TRPM3: variants seen among roughly 807,000 people sequenced by gnomAD.
The protein encoded by TRPM3 is long transient receptor potential channel 3.
TRPM3 carries 77 observed loss-of-function variants against 181.2 expected under a neutral mutation model. The observed-to-expected ratio is 0.42, with a 90% CI of 0.35 to 0.51. TRPM3 has a LOEUF of 0.51. Ranked by LOEUF, TRPM3 falls within the 20% of genes least tolerant of loss-of-function variation. TRPM3 has a pLI of 0.01. For synonymous variants in TRPM3, 745 were observed against 796.4 expected (o/e 0.94, Z 1.09); for missense variants, 1,759 against 2,196.7 (o/e 0.80, Z 3.98).
intron 2 of TRPM3, 26 bp from the exon 3 acceptor site, chr9:70,863,138 C>T (rs751660476): frequency 2.0e-5 from 32 of 1,599,936 alleles, no homozygotes; most frequent in Non-Finnish European, 2.7e-5. Context: ...TTAAAGTGAA[C>T]CCCTGGTATT....
At chr9:70,925,987 C>G (rs1292707615) in intron 1 of TRPM3, among the ~76,000 whole-genome samples, 1 of 69,134 alleles carries the variant, frequency 1.4e-5, no homozygotes, top group African/African-American at 6.0e-5. Context: ...AAAAGGTTGG[C>G]TTGGGAAAAC....
intron 1 of TRPM3, among the ~76,000 whole-genome samples, chr9:71,208,325 T>C (rs2079254242): frequency 6.6e-6 from 1 of 152,210 alleles, no homozygotes; most frequent in Admixed American, 6.5e-5. Context: ...TTTTAAATTC[T>C]ATTTTGAACA....
At chr9:70,632,783 T>C (rs531540744) in intron 12 of TRPM3, among the ~76,000 whole-genome samples, 1 of 152,204 alleles carries the variant, frequency 6.6e-6, no homozygotes, top group Middle Eastern at 3.2e-3. Flanking sequence ...CTGTTCTTTC[T>C]TGTTAGTCTA....
chr9:70,930,614 A>G (rs1295750405), intron 1 of TRPM3, among the ~76,000 whole-genome samples: 66 of 152,312 alleles, frequency 4.3e-4, no homozygotes, highest in African/African-American at 1.5e-3. Flanking sequence ...GGTCTTATTA[A>G]TGATACATTA....
At chr9:70,745,712 G>C (rs2075036295) in intron 8 of TRPM3, among the ~76,000 whole-genome samples, 1 of 152,108 alleles carries the variant, frequency 6.6e-6, no homozygotes, top group South Asian at 2.1e-4. Context: ...TAGGCCAATT[G>C]AGCTTGTTTT....
chr9:71,307,045 A>C (rs996310467), intron 1 of TRPM3, among the ~76,000 whole-genome samples: 2 of 152,138 alleles, frequency 1.3e-5, no homozygotes, highest in African/African-American at 4.8e-5. Context: ...TGCTCCTCTG[A>C]ACATTTTATG....
rs770482901 is a variant in TRPM3, at chr9:70,625,213, T to C, written c.1787A>G (p.His596Arg). 1.2e-6 allele frequency: 2 copies of C among 1,614,026 alleles called. No homozygotes were observed. Among genetic ancestry groups the C allele is most frequent in the Non-Finnish European group, 1.7e-6 (2 of 1,179,982 alleles). ...YTRKRFRTLY[H>R]NLFGPKRPKA... Reference sequence around the variant, plus strand: ...CACCCTCTTGGGGCCGAAGAGGTTGTGGTAGAGGGTCCGGAAGCGCTTGCG... The same window carrying C: ...CACCCTCTTGGGGCCGAAGAGGTTGCGGTAGAGGGTCCGGAAGCGCTTGCG... Residue 596 changes from histidine to arginine, a missense_variant, in exon 14 of 26, where the codon CAC (histidine) becomes CGC (arginine). His to Arg is a conservative substitution (Grantham distance 29). Transcript: ENST00000677713. This position sits in a 1 kb window ranked among gnomAD's most constrained non-coding sequence, Gnocchi z 4.8.
chr9:71,150,338 C>T (rs1742216030), intron 1 of TRPM3, among the ~76,000 whole-genome samples: 2 of 151,998 alleles, frequency 1.3e-5, no homozygotes, highest in African/African-American at 4.8e-5. Context: ...TTATTGGTTA[C>T]TAGAAAAATG....
chr9:70,696,600 G>A lies in TRPM3; in HGVS notation c.1273-15022C>T, dbSNP rs147788944. 1.8e-3 allele frequency among the ~76,000 whole-genome samples: 278 copies of A among 152,312 alleles called. 2 individuals are homozygous for A. Among genetic ancestry groups the A allele is most frequent in the African/African-American group, 6.3e-3 (261 of 41,562 alleles). On this transcript the variant is annotated intron_variant, in intron 8 of 25. Coordinates refer to ENST00000677713, the MANE Select transcript of TRPM3 (RefSeq NM_001366145.2). ...AGGGTAAAGAAAGAAAAGTTTCTGG[G>A]TTGCTCTGTGGATGTGTGCGCAAAC...
At chr9:71,339,720 G>C (rs1014030413) in intron 1 of TRPM3, among the ~76,000 whole-genome samples, 3 of 152,072 alleles carry the variant, frequency 2.0e-5, no homozygotes. Context: ...ACAGATCTGT[G>C]ATTTCTGGAG....
Position 70,618,972 on chromosome 9 carries a change from G to T in TRPM3, c.2253C>A (p.Ala751=). The change falls in exon 17 of 26, where the codon GCC becomes GCA. Residue 751 remains alanine, a synonymous_variant. Coordinates refer to ENST00000677713, the MANE Select transcript of TRPM3 (RefSeq NM_001366145.2). Reference sequence around the variant, plus strand: ...TGAAGTCGCGGTGTTTGGCAGCCACGGCAAGCTGCAGGCACGTGGCGTTGC... The same window carrying T: ...TGAAGTCGCGGTGTTTGGCAGCCACTGCAAGCTGCAGGCACGTGGCGTTGC... ...NWSNATCLQL[A]VAAKHRDFIA... is the part of the protein sequence containing the mutation. The T allele has an allele frequency of 6.2e-7, 1 of 1,614,130 alleles. No homozygotes were observed. Among genetic ancestry groups the T allele is most frequent in the Non-Finnish European group, 8.5e-7 (1 of 1,180,026 alleles).
At chr9:71,414,869 A>T (rs1387094592) in intron 1 of TRPM3, among the ~76,000 whole-genome samples, 1 of 152,098 alleles carries the variant, frequency 6.6e-6, no homozygotes, top group African/African-American at 2.4e-5. Context: ...GAAAAGAGCA[A>T]TAAATTAAAG....
chr9:71,440,222 T>C (rs1266440105), intron 1 of TRPM3, among the ~76,000 whole-genome samples: 1 of 152,082 alleles, frequency 6.6e-6, no homozygotes, highest in Non-Finnish European at 1.5e-5. Context: ...CTAGCAGAAC[T>C]GGGGAGAAAA....
At chr9:71,336,011 C>A (rs1352588447) in intron 1 of TRPM3, among the ~76,000 whole-genome samples, 1 of 151,998 alleles carries the variant, frequency 6.6e-6, no homozygotes, top group Non-Finnish European at 1.5e-5. Context: ...TCAATTCATT[C>A]AAAACAAACT....
intron 1 of TRPM3, among the ~76,000 whole-genome samples, chr9:71,310,005 A>G (rs1208410570): frequency 1.3e-5 from 2 of 152,154 alleles, no homozygotes; most frequent in Non-Finnish European, 2.9e-5. Context: ...CAGGTGTAAC[A>G]TATTAAGGCA....
Position 71,216,937 on chromosome 9 carries a change from C to CTTTTTTT in TRPM3, c.183+229709_183+229715dup, listed in dbSNP as rs10536771. 1.1e-3 allele frequency among the ~76,000 whole-genome samples: 80 copies of CTTTTTTT among 72,996 alleles called. 5 individuals carry two copies. The highest frequency in any genetic ancestry group is 3.4e-3 in the African/African-American group (59 of 17,342). The allele number at this position is 72,996 out of a possible 152,430, so 47.9% of individuals were successfully genotyped here. On this transcript the variant is annotated intron_variant, in intron 1 of 24. Coordinates refer to the TRPM3 transcript ENST00000357533. ...GCACAAGCATAGTCAGTGGCCCTTT[C>CTTTTTTT]TTTTTTTTTTTTTTTTTTTTTTTTT... is the stretch of plus-strand genomic sequence containing the variant.
chr9:70,864,364 G>A, intron 2 of TRPM3, 68 bp downstream of exon 2: 2 of 1,101,470 alleles, frequency 1.8e-6, no homozygotes, highest in East Asian at 2.8e-5. Context: ...AACAGGTCAT[G>A]ATTACTCTTG....
chr9:70,651,757 TTTTC>T (rs1160724719), intron 9 of TRPM3, among the ~76,000 whole-genome samples: 2 of 152,198 alleles, frequency 1.3e-5, no homozygotes, highest in Non-Finnish European at 1.5e-5. Context: ...GTCTGATTGT[TTTTC>T]TTTCTTTCTT....
At chr9:71,441,357 G>T (rs1469383715) in intron 1 of TRPM3, among the ~76,000 whole-genome samples, 1 of 151,890 alleles carries the variant, frequency 6.6e-6, no homozygotes, top group Non-Finnish European at 1.5e-5. Context: ...AAATCAACCT[G>T]TCAAGAAATG....
Sources: allele counts gnomAD v4.1 joint callset (sites outside exome capture counted in the v4.1 genomes callset), GRCh38; gene constraint gnomAD v4.1.1; non-coding constraint Gnocchi (gnomAD v3.1); transcripts MANE v1.5; gene names NCBI Gene and HGNC (gene_info 2026-07-23, HGNC 2026-07-21).